TUBD1: variants seen among roughly 807,000 people sequenced by gnomAD.
TUBD1 encodes tubulin delta chain.
A neutral mutation model predicts 51.2 loss-of-function variants in TUBD1; 38 were observed. The ratio of observed to expected loss-of-function variants is 0.74; its 90% CI spans 0.57 to 0.97. The LOEUF is 0.97. Among genes scored for constraint, TUBD1 ranks in the 50% least tolerant of loss-of-function variants. The pLI, the probability that TUBD1 is intolerant of heterozygous loss-of-function variation, is 0.00. For synonymous variants in TUBD1, 169 were observed against 178.2 expected, an observed-to-expected ratio of 0.95 and a Z score of 0.41; for missense variants, 489 against 538.4, an observed-to-expected ratio of 0.91 and a Z score of 0.91.
chr17:59,860,429 T>TTG lies in TUBD1; in HGVS notation c.1260-6_1260-5insCA. ...GTGTACTGATGAATGTAGGCTCTGG[T>TTG]AGAAAAAAAAAAAAAACAGAAATTA... On this transcript the variant is annotated splice_region_variant and splice_polypyrimidine_tract_variant and intron_variant, in intron 8 of 8. Coordinates refer to ENST00000325752, the MANE Select transcript of TUBD1 (RefSeq NM_016261.4). 6.9e-7 allele frequency: 1 copy of TTG among 1,444,886 alleles called. No individual in the cohort carries two copies. The highest frequency in any genetic ancestry group is 9.3e-7 in the Non-Finnish European group (1 of 1,070,886). The allele number at this position is 1,444,886 out of a possible 1,614,324, so 89.5% of individuals were successfully genotyped here.
At chr17:59,888,701 G>A (rs2040845183) in intron 2 of TUBD1, among the ~76,000 whole-genome samples, 2 of 151,882 alleles carry the variant, frequency 1.3e-5, no homozygotes, top group South Asian at 4.2e-4. Context: ...AGGAGAAGGA[G>A]GTTCAAGGAG....
At chr17:59,885,146 G>T in intron 3 of TUBD1, 1 of 353,424 alleles carries the variant, frequency 2.8e-6, no homozygotes, top group South Asian at 2.4e-5. Flanking sequence ...ATCCTAGGAC[G>T]CCAAAAGGAC....
chr17:59,885,293 T>C, intron 3 of TUBD1: 1 of 601,962 alleles, frequency 1.7e-6, no homozygotes, highest in African/African-American at 1.8e-5. Flanking sequence ...CAGCTGGACC[T>C]GAGATTGAAC....
intron 8 of TUBD1, among the ~76,000 whole-genome samples, chr17:59,861,195 A>AT (rs34020172): frequency 0.42 from 60,035 of 141,802 alleles, 15,103 homozygotes; most frequent in African/African-American, 0.72. Flanking sequence ...ACCCCACAAA[A>AT]TTTTTTTTTT....
chr17:59,866,638 C>T lies in TUBD1; in HGVS notation c.1046G>A (p.Arg349His), dbSNP rs572341288. 61 of 1,613,682 alleles carry T rather than the reference C, an allele frequency of 3.8e-5. No homozygotes were observed. Among genetic ancestry groups the T allele is most frequent in the Non-Finnish European group, 4.5e-5 (53 of 1,179,972 alleles). Residue 349 changes from arginine to histidine, a missense_variant, in exon 7 of 9, where the codon CGT becomes CAT. Coordinates refer to ENST00000325752, the MANE Select transcript of TUBD1 (RefSeq NM_016261.4). The part of the protein sequence containing the change: ...NTSIANLVIL[R>H]GKDVQSADVE... ...ATCTGCACTTTGCACATCTTTCCCACGAAGAATGACCAAGTTAGCAATGGA... is the reference window on the plus strand; with the variant it reads ...ATCTGCACTTTGCACATCTTTCCCATGAAGAATGACCAAGTTAGCAATGGA...
rs1209117853 is a variant in TUBD1, at chr17:59,863,854, T to G, written c.1076-7A>C. On this transcript the variant is annotated splice_region_variant and splice_polypyrimidine_tract_variant and intron_variant, in intron 7 of 8. Coordinates refer to ENST00000325752, the MANE Select transcript of TUBD1 (RefSeq NM_016261.4). Reference sequence around the variant, plus strand: ...GCTGGATCTTTAAATCCCTCTAGAGTAAAAACAAGATAAGCCGTCTTTTTA... The same window carrying G: ...GCTGGATCTTTAAATCCCTCTAGAGGAAAAACAAGATAAGCCGTCTTTTTA... The G allele has an allele frequency of 6.7e-7, 1 of 1,488,292 alleles. No individual in the cohort carries two copies. The highest frequency in any genetic ancestry group is 1.4e-5 in the African/African-American group (1 of 69,270). The allele number at this position is 1,488,292 out of a possible 1,614,324, so 92.2% of individuals were successfully genotyped here. A position where few individuals can be genotyped will look rare whatever the true frequency, so the allele number is the denominator to read the frequency against.
Position 59,868,838 on chromosome 17 carries a change from AAAATAAAT to A in TUBD1, c.935-2097_935-2090del, listed in dbSNP as rs553719952. Among the ~76,000 whole-genome samples, 3 of 151,580 alleles carry A rather than the reference AAAATAAAT, an allele frequency of 2.0e-5. No homozygotes were observed. The Admixed American group carries it at 2.0e-4, about 10-fold the overall frequency. On this transcript the variant is annotated intron_variant, in intron 6 of 8. Transcript: ENST00000325752. ...GCGACGGAGCGAGACTCCATCTCAAAAAATAAATAAATAAATAAATAAATAAGAAAATT... is the reference window on the plus strand; with the variant it reads ...GCGACGGAGCGAGACTCCATCTCAAAAAATAAATAAATAAATAAGAAAATT...
chr17:59,869,922 C>T (rs1322934772), intron 6 of TUBD1, among the ~76,000 whole-genome samples: 2 of 151,726 alleles, frequency 1.3e-5, no homozygotes, highest in African/African-American at 4.8e-5. Flanking sequence ...AGGATAAGCA[C>T]AAACAAGAAA....
chr17:59,888,750 G>A (rs560782339), intron 2 of TUBD1, among the ~76,000 whole-genome samples: 3 of 151,462 alleles, frequency 2.0e-5, no homozygotes, highest in Non-Finnish European at 4.4e-5. Flanking sequence ...TTTTTGAGAC[G>A]GAGTTTCGCT....
rs1055689721 is a variant in TUBD1, at chr17:59,879,888, G to A, written c.537+1006C>T. Among the ~76,000 whole-genome samples the A allele has an allele frequency of 4.6e-5, 7 of 152,002 alleles. No homozygotes were observed. In the South Asian group the frequency reaches 1.5e-3, roughly 32 times the overall value. On this transcript the variant is annotated intron_variant, in intron 4 of 8. Coordinates refer to ENST00000325752, the MANE Select transcript of TUBD1 (RefSeq NM_016261.4). ...CCTGCCTCAGCCTCCAGGTACCTGG[G>A]ACTACAGGTGTGTGCCACCACACCC...
chr17:59,861,194 A>AT (rs1191345030), intron 8 of TUBD1, among the ~76,000 whole-genome samples: 9 of 117,172 alleles, frequency 7.7e-5, no homozygotes, highest in African/African-American at 2.6e-4. Flanking sequence ...CACCCCACAA[A>AT]ATTTTTTTTT....
In TUBD1 at chr17:59,886,183, T is replaced by C. The variant is rs2285988; in HGVS notation, c.220A>G (p.Asn74Asp). The change falls in exon 3 of 9, where the codon AAT becomes GAT. Residue 74 changes from asparagine (N) to aspartate (D), a missense_variant. Coordinates refer to ENST00000325752, the MANE Select transcript of TUBD1 (RefSeq NM_016261.4). ...TGGGCAGCCTTTGACAGCATTTGAT[T>C]GATAACTTTGGGTTCCATGTCAACA... ...VLVDMEPKVI[N>D]QMLSKAAQSG... 70 of 1,613,876 alleles carry C rather than the reference T, an allele frequency of 4.3e-5. No individual in the cohort carries two copies. The East Asian group carries it at 1.5e-3, about 34-fold the overall frequency.
At position 59,880,912 on chromosome 17, in the gene TUBD1, C is replaced by T. The variant is rs1286454538; in HGVS notation, c.519G>A (p.Trp173Ter). The change falls in exon 4 of 9, where the codon TGG becomes TGA. Residue 173 changes from tryptophan (W) to a stop codon, truncating the protein, a stop_gained. Coordinates refer to ENST00000325752, the MANE Select transcript of TUBD1 (RefSeq NM_016261.4). LOFTEE classifies it high-confidence loss of function. ...SNSLKMNQII[W>*]PYGTGEVIVQ... is the part of the protein sequence containing the mutation. ...TCCATACCTCACCAGTTCCATAAGGCCAAATAATCTGATTCATTTTCAATG... is the reference window on the plus strand; with the variant it reads ...TCCATACCTCACCAGTTCCATAAGGTCAAATAATCTGATTCATTTTCAATG... The T allele has an allele frequency of 2.5e-6, 4 of 1,613,996 alleles. No homozygotes were observed. The highest frequency in any genetic ancestry group is 1.7e-5 in the Admixed American group (1 of 59,992).
At chr17:59,860,591 T>TC (rs1491580486) in intron 8 of TUBD1, among the ~76,000 whole-genome samples, 167 bp from the exon 9 acceptor site, 3 of 151,894 alleles carry the variant, frequency 2.0e-5, no homozygotes, top group African/African-American at 7.3e-5. Flanking sequence ...TAGTGAACTT[T>TC]CTTTTTTTTT....
chr17:59,872,694 A>ATGTATGTG (rs770503667), intron 6 of TUBD1, among the ~76,000 whole-genome samples: 1 of 142,640 alleles, frequency 7.0e-6, no homozygotes, highest in Non-Finnish European at 1.5e-5. Flanking sequence ...GAAAATGGGA[A>ATGTATGTG]TGTGTGTGTG....
chr17:59,863,637 AG>A (rs778246054), intron 8 of TUBD1, 26 bp downstream of exon 8: 1 of 1,439,268 alleles, frequency 6.9e-7, no homozygotes, highest in African/African-American at 1.5e-5. Context: ...AAAAAAAGAA[AG>A]GTTTGTAGAC....
At chr17:59,874,420 G>T in intron 6 of TUBD1, 119 bp downstream of exon 6, 1 of 919,998 alleles carries the variant, frequency 1.1e-6, no homozygotes, top group African/African-American at 1.7e-5. Context: ...TTCTGCCGGA[G>T]TCTCTCTAGC....
Position 59,881,219 on chromosome 17 carries a change from T to G in TUBD1, c.321-109A>C. 4 of 881,886 alleles carry G rather than the reference T, an allele frequency of 4.5e-6. No individual in the cohort carries two copies. In the South Asian group the frequency reaches 4.9e-5, roughly 11 times the overall value. The allele number at this position is 881,886 out of a possible 1,614,324, so 54.6% of individuals were successfully genotyped here. A position where few individuals can be genotyped will look rare whatever the true frequency, so the allele number is the denominator to read the frequency against. On this transcript the variant is annotated intron_variant, in intron 3 of 8. Coordinates refer to ENST00000325752, the MANE Select transcript of TUBD1 (RefSeq NM_016261.4). ...AGAGGTTTTTTCAAAACTACGGAAGTGAAGGAACTCTCATGAAAGGTACAG... is the reference window on the plus strand; with the variant it reads ...AGAGGTTTTTTCAAAACTACGGAAGGGAAGGAACTCTCATGAAAGGTACAG...
intron 2 of TUBD1, among the ~76,000 whole-genome samples, chr17:59,886,846 T>C (rs1175969941): frequency 7.0e-6 from 1 of 142,382 alleles, no homozygotes; most frequent in East Asian, 2.1e-4. Flanking sequence ...AGGCCAGGAG[T>C]TGGAGACCAG....
Sources: allele counts gnomAD v4.1 joint callset (sites outside exome capture counted in the v4.1 genomes callset), GRCh38; gene constraint gnomAD v4.1.1; transcripts MANE v1.5; gene names NCBI Gene and HGNC (gene_info 2026-07-23, HGNC 2026-07-21).